CEP112: variants seen among roughly 807,000 people sequenced by gnomAD.
CEP112 encodes the protein centrosomal protein of 112 kDa.
Under a neutral mutation model 153.0 loss-of-function variants are expected in CEP112, and 127 were observed. The observed-to-expected ratio is 0.83, with a 90% CI of 0.72 to 0.96. The LOEUF (loss-of-function observed/expected upper bound fraction) is 0.96. Ranked by LOEUF, CEP112 falls within the 40% of genes least tolerant of loss-of-function variation. The pLI, the probability that CEP112 is intolerant of heterozygous loss-of-function variation, is 0.00. For synonymous variants in CEP112, 358 were observed against 374.4 expected, an observed-to-expected ratio of 0.96 and a Z score of 0.51; for missense variants, 1,089 against 1,101.2, an observed-to-expected ratio of 0.99 and a Z score of 0.16.
At chr17:65,977,813 A>G (rs8074983) in intron 17 of CEP112, among the ~76,000 whole-genome samples, 151,716 of 152,312 alleles carry the variant, frequency 1, 75,562 homozygotes, top group Middle Eastern at 1. Flanking sequence ...GGTGGCTCAC[A>G]CCTGTAATCC....
chr17:65,721,081 G>A (rs564147110), intron 23 of CEP112, among the ~76,000 whole-genome samples: 5 of 148,122 alleles, frequency 3.4e-5, no homozygotes, highest in Admixed American at 1.4e-4. Context: ...GCATGATCTC[G>A]GCTCACTGCA....
At chr17:65,865,353 T>C (rs1468969205) in intron 20 of CEP112, among the ~76,000 whole-genome samples, 1 of 152,174 alleles carries the variant, frequency 6.6e-6, no homozygotes, top group Non-Finnish European at 1.5e-5. Flanking sequence ...AGAAGGACTG[T>C]TGCAGTTGGT....
chr17:65,946,722 A>G (rs537314500), intron 18 of CEP112, among the ~76,000 whole-genome samples: 1 of 152,028 alleles, frequency 6.6e-6, no homozygotes, highest in Non-Finnish European at 1.5e-5. Flanking sequence ...TGATTTTTTA[A>G]AATTTTTTTT....
intron 18 of CEP112, among the ~76,000 whole-genome samples, chr17:65,950,422 T>C (rs971912784): frequency 6.6e-6 from 1 of 152,178 alleles, no homozygotes; most frequent in African/African-American, 2.4e-5. Context: ...AATATTTTGT[T>C]TTTAATGCTT....
intron 24 of CEP112, chr17:65,661,776 C>T (rs1384993575): frequency 6.6e-6 from 1 of 152,172 alleles, no homozygotes; most frequent in Non-Finnish European, 1.5e-5. Context: ...AGATCATATA[C>T]AACCACGTAG....
chr17:65,681,380 T>C (rs1361927075), intron 24 of CEP112, among the ~76,000 whole-genome samples: 1 of 152,032 alleles, frequency 6.6e-6, no homozygotes, highest in African/African-American at 2.4e-5. Flanking sequence ...TATCCCTCTA[T>C]GCTCTTCTTT....
At chr17:66,075,416 T>C (rs1388596496) in intron 8 of CEP112, among the ~76,000 whole-genome samples, 1 of 150,084 alleles carries the variant, frequency 6.7e-6, no homozygotes, top group Non-Finnish European at 1.5e-5. Context: ...AAGCAACCAA[T>C]AAAGAAAACA....
chr17:66,107,464 AC>A (rs1189995512), intron 6 of CEP112, among the ~76,000 whole-genome samples: 1 of 152,158 alleles, frequency 6.6e-6, no homozygotes, highest in Non-Finnish European at 1.5e-5. Flanking sequence ...CACAAGATCA[AC>A]ATACAAAAAT....
intron 20 of CEP112, among the ~76,000 whole-genome samples, chr17:65,865,301 C>A (rs2146437461): frequency 6.6e-6 from 1 of 152,238 alleles, no homozygotes; most frequent in South Asian, 2.1e-4. Flanking sequence ...CTTGGCCTCC[C>A]AAAGTGCTGG....
chr17:66,146,092 T>C (rs2070906855), intron 4 of CEP112, among the ~76,000 whole-genome samples: 1 of 152,084 alleles, frequency 6.6e-6, no homozygotes, highest in Non-Finnish European at 1.5e-5. Context: ...GTAAGGTCTT[T>C]GTCTTCTTTT....
chr17:65,885,381 G>A (rs1393486883), intron 20 of CEP112, among the ~76,000 whole-genome samples: 2 of 152,164 alleles, frequency 1.3e-5, no homozygotes, highest in Non-Finnish European at 2.9e-5. Context: ...CAAAGACGAT[G>A]TTGAAATCTG....
At chr17:66,131,456 T>TGTTG (rs963288715) in intron 5 of CEP112, among the ~76,000 whole-genome samples, 1 of 152,222 alleles carries the variant, frequency 6.6e-6, no homozygotes, top group African/African-American at 2.4e-5. Context: ...AACAGTCATG[T>TGTTG]GTTGGCCGGG....
chr17:66,104,585 TGAGG>T (rs2068701389), intron 6 of CEP112, among the ~76,000 whole-genome samples: 1 of 151,984 alleles, frequency 6.6e-6, no homozygotes, highest in Non-Finnish European at 1.5e-5. Context: ...CCCCTCAGCT[TGAGG>T]AAGGGAGAGG....
chr17:65,945,939 G>T (rs2061637314), intron 18 of CEP112, among the ~76,000 whole-genome samples: 1 of 152,130 alleles, frequency 6.6e-6, no homozygotes, highest in Non-Finnish European at 1.5e-5. Flanking sequence ...GAGCCACCAT[G>T]CCCAGCCCTA....
At chr17:65,934,703 T>A (rs191515017) in intron 18 of CEP112, among the ~76,000 whole-genome samples, 39 of 152,250 alleles carry the variant, frequency 2.6e-4, no homozygotes, top group African/African-American at 8.9e-4. Context: ...AGATATTTCA[T>A]GCAAATAGAA....
At position 65,641,074 on chromosome 17, in the gene CEP112, G is replaced by GA. The variant is rs1183053533; in HGVS notation, c.2698-10dup. The GA allele has an allele frequency of 5.5e-6, 8 of 1,449,206 alleles. No individual in the cohort carries two copies. The highest frequency in any genetic ancestry group is 4.2e-5 in the African/African-American group (3 of 71,534). 89.8% of individuals were successfully genotyped at this position (1,449,206 alleles called of 1,614,324 possible). On this transcript the variant is annotated splice_polypyrimidine_tract_variant and intron_variant, in intron 24 of 26. Transcript: ENST00000535342. ...TGTCGTATGTAAGTTATCTAAATTG[G>GA]AAAAAAATTAAGAGTTATCTTTTTA...
At chr17:65,860,332 G>C (rs2058273398) in intron 20 of CEP112, among the ~76,000 whole-genome samples, 1 of 152,186 alleles carries the variant, frequency 6.6e-6, no homozygotes, top group Admixed American at 6.5e-5. Context: ...TCAGGGTGAT[G>C]AAAGTCTCTT....
chr17:65,930,488 A>C (rs1469903418), intron 18 of CEP112, among the ~76,000 whole-genome samples: 1 of 152,214 alleles, frequency 6.6e-6, no homozygotes, highest in African/African-American at 2.4e-5. Flanking sequence ...CATGCTATTT[A>C]GCACCCAAGT....
At chr17:65,739,690 C>T (rs907393798) in intron 23 of CEP112, among the ~76,000 whole-genome samples, 1 of 151,810 alleles carries the variant, frequency 6.6e-6, no homozygotes, top group African/African-American at 2.4e-5. Flanking sequence ...GAGCTGAGAT[C>T]GTGCCACTGC....
Sources: gnomAD v4.1 joint callset for allele counts (sites outside exome capture counted in the v4.1 genomes callset) on GRCh38, gnomAD v4.1.1 for gene constraint, MANE v1.5 for transcripts, NCBI Gene and HGNC (gene_info 2026-07-23, HGNC 2026-07-21) for gene names.